Variants in FHIP1A observed in about 807,000 individuals in gnomAD.
FHIP1A encodes FHF complex subunit HOOK interacting protein 1A.
FHIP1A carries 61 observed loss-of-function variants against 88.6 expected under a neutral mutation model. The ratio of observed to expected loss-of-function variants is 0.69; its 90% CI spans 0.56 to 0.85. The LOEUF is 0.85. FHIP1A is among the 40% of genes least tolerant of loss of function. The pLI is 0.00. For missense variants in FHIP1A, 1,154 were observed against 1,273.5 expected, an observed-to-expected ratio of 0.91 and a Z score of 1.43; for synonymous variants, 478 against 496.0, an observed-to-expected ratio of 0.96 and a Z score of 0.48.
At chr4:151,614,620 C>T (rs1311970066) in intron 7 of FHIP1A, among the ~76,000 whole-genome samples, 4 of 152,000 alleles carry the variant, frequency 2.6e-5, no homozygotes, top group African/African-American at 9.7e-5. Flanking sequence ...AGGAATTGCA[C>T]TGTTTTGTGA....
Position 151,485,955 on chromosome 4 carries a change from T to G in FHIP1A, c.-123+3307T>G, listed in dbSNP as rs117418944. ...ACCTTTTGGCACCAAGGACTGGTTT[T>G]GTGGAAGACAATTTTTCCATGGATG... On this transcript the variant is annotated intron_variant, in intron 3 of 13. Coordinates refer to ENST00000435205, the MANE Select transcript of FHIP1A (RefSeq NM_001109977.3). Among the ~76,000 whole-genome samples the G allele has an allele frequency of 0.011, 1,615 of 152,276 alleles. 110 individuals are homozygous for G. The South Asian group carries it at 0.21, about 20-fold the overall frequency.
chr4:151,559,180 A>G (rs1394670835), intron 3 of FHIP1A, among the ~76,000 whole-genome samples: 1 of 152,184 alleles, frequency 6.6e-6, no homozygotes, highest in Non-Finnish European at 1.5e-5. Flanking sequence ...GGCTATACTC[A>G]TCGTGCAGGT....
intron 3 of FHIP1A, among the ~76,000 whole-genome samples, chr4:151,545,623 G>A (rs994162218): frequency 6.6e-6 from 1 of 151,370 alleles, no homozygotes; most frequent in African/African-American, 2.4e-5. Flanking sequence ...GTGATCCACC[G>A]GCCTCAGCCT....
chr4:151,488,649 A>G (rs1177030632), intron 3 of FHIP1A, among the ~76,000 whole-genome samples: 3 of 152,198 alleles, frequency 2.0e-5, no homozygotes, highest in Non-Finnish European at 4.4e-5. Flanking sequence ...TCCTTTGGGT[A>G]TATACCCAGT....
At chr4:151,428,089 G>A (rs1032384854) in intron 1 of FHIP1A, among the ~76,000 whole-genome samples, 1 of 152,092 alleles carries the variant, frequency 6.6e-6, no homozygotes, top group African/African-American at 2.4e-5. Flanking sequence ...TATAGTATAT[G>A]CTTTTGTGCA....
At chr4:151,646,068 C>T (rs1052181581) in intron 9 of FHIP1A, among the ~76,000 whole-genome samples, 1 of 152,186 alleles carries the variant, frequency 6.6e-6, no homozygotes, top group African/African-American at 2.4e-5. Flanking sequence ...ACTGAAGCAG[C>T]TCCTTGCTGT....
chr4:151,636,744 G>A (rs1736371241), intron 8 of FHIP1A, among the ~76,000 whole-genome samples: 1 of 152,006 alleles, frequency 6.6e-6, no homozygotes, highest in Non-Finnish European at 1.5e-5. Flanking sequence ...TGTTAATATA[G>A]GAATACTCCA....
intron 3 of FHIP1A, among the ~76,000 whole-genome samples, chr4:151,541,615 A>G (rs2126728376): frequency 6.6e-6 from 1 of 152,312 alleles, no homozygotes; most frequent in Admixed American, 6.5e-5. Flanking sequence ...CTGTGAGTAC[A>G]CATGATTTTG....
rs183949116 is a variant in FHIP1A at position 151,434,751 on chromosome 4, G to A, written c.-355-19950G>A. The stretch of plus-strand genomic sequence containing the variant: ...GGTAATGATTTTAGTTCCAATCAGT[G>A]TATGCAGATCTTGCCTCAGAACACT... On this transcript the variant is annotated intron_variant, in intron 1 of 13. Transcript: ENST00000435205. Among the ~76,000 whole-genome samples the A allele has an allele frequency of 4.5e-4, 68 of 152,302 alleles. No homozygotes were observed. The East Asian group carries it at 0.012, about 26-fold the overall frequency.
In FHIP1A at chr4:151,649,864, C is replaced by T; in HGVS notation, c.1823C>T (p.Pro608Leu). ...PYDDLEVSGP[P>L]APIDPPKHIQ... The stretch of plus-strand genomic sequence containing the variant: ...GATGATCTGGAGGTTTCAGGCCCCC[C>T]AGCACCCATTGATCCCCCCAAACAC... Residue 608 changes from proline to leucine, a missense_variant, in exon 11 of 14, where the codon CCA becomes CTA. Physicochemically the swap from Pro to Leu is moderately conservative, Grantham distance 98. Transcript: ENST00000435205. The T allele has an allele frequency of 1.3e-6, 2 of 1,551,570 alleles. No individual in the cohort carries two copies. Among genetic ancestry groups the T allele is most frequent in the East Asian group, 4.9e-5 (2 of 40,902 alleles).
chr4:151,574,093 G>A (rs1237528316), intron 4 of FHIP1A, among the ~76,000 whole-genome samples: 1 of 152,222 alleles, frequency 6.6e-6, no homozygotes, highest in Non-Finnish European at 1.5e-5. Context: ...GGAAAAGGAG[G>A]TAGCCTGGGA....
intron 1 of FHIP1A, among the ~76,000 whole-genome samples, chr4:151,438,535 A>G (rs542770700): frequency 1.3e-5 from 2 of 152,098 alleles, no homozygotes; most frequent in Non-Finnish European, 2.9e-5. Context: ...AACAAAACAA[A>G]AAAATCTACC....
At chr4:151,485,868 C>T (rs879363920) in intron 3 of FHIP1A, among the ~76,000 whole-genome samples, 1 of 152,156 alleles carries the variant, frequency 6.6e-6, no homozygotes, top group Non-Finnish European at 1.5e-5. Flanking sequence ...GGATTACAGG[C>T]GTGGGCCACT....
intron 3 of FHIP1A, among the ~76,000 whole-genome samples, chr4:151,547,046 A>G (rs886115015): frequency 6.6e-6 from 1 of 152,114 alleles, no homozygotes; most frequent in African/African-American, 2.4e-5. Flanking sequence ...TAGGTTGGCA[A>G]TTCTGATTAG....
chr4:151,525,449 C>A (rs1487487480), intron 3 of FHIP1A, among the ~76,000 whole-genome samples: 1 of 152,202 alleles, frequency 6.6e-6, no homozygotes, highest in African/African-American at 2.4e-5. Context: ...GTAGAGCAGC[C>A]AGGCTCATCT....
intron 3 of FHIP1A, among the ~76,000 whole-genome samples, chr4:151,507,878 T>C (rs1730890734): frequency 6.6e-6 from 1 of 152,204 alleles, no homozygotes; most frequent in Non-Finnish European, 1.5e-5. Flanking sequence ...GATTGTGTTA[T>C]ATATTATTTA....
intron 3 of FHIP1A, among the ~76,000 whole-genome samples, chr4:151,536,875 CT>C (rs930999544): frequency 3.3e-5 from 5 of 151,860 alleles, no homozygotes; most frequent in Non-Finnish European, 7.4e-5. Context: ...CTTTTTTATT[CT>C]TTATTTTTTT....
chr4:151,619,932 A>T (rs1295574237), intron 7 of FHIP1A, among the ~76,000 whole-genome samples: 1 of 152,234 alleles, frequency 6.6e-6, no homozygotes, highest in African/African-American at 2.4e-5. Flanking sequence ...TAGCCAAAAC[A>T]TACATAGTAA....
At chr4:151,489,109 A>G (rs1015031669) in intron 3 of FHIP1A, among the ~76,000 whole-genome samples, 1 of 152,228 alleles carries the variant, frequency 6.6e-6, no homozygotes, top group Non-Finnish European at 1.5e-5. Context: ...TGAGTTCCCA[A>G]GGTGTGAGAG....
Sources: gnomAD v4.1 joint callset for allele counts (sites outside exome capture counted in the v4.1 genomes callset) on GRCh38, gnomAD v4.1.1 for gene constraint, MANE v1.5 for transcripts, NCBI Gene and HGNC (gene_info 2026-07-23, HGNC 2026-07-21) for gene names.